RBFOX1: variants seen among roughly 807,000 people sequenced by gnomAD.
The protein encoded by RBFOX1 is RNA binding fox-1 homolog 1.
RBFOX1 carries 8 observed loss-of-function variants against 57.7 expected under a neutral mutation model. The observed-to-expected ratio is 0.14, with a 90% CI of 0.08 to 0.25. The LOEUF is 0.25. Among genes scored for constraint, RBFOX1 ranks in the 10% least tolerant of loss-of-function variants. The pLI, the probability that RBFOX1 is intolerant of heterozygous loss-of-function variation, is 1.00. For synonymous variants in RBFOX1, 326 were observed against 222.4 expected, an observed-to-expected ratio of 1.47 and a Z score of -4.15; for missense variants, 611 against 548.5, an observed-to-expected ratio of 1.11 and a Z score of -1.14.
At chr16:6,431,509 C>G (rs1239916792) in intron 2 of RBFOX1, among the ~76,000 whole-genome samples, 1 of 151,898 alleles carries the variant, frequency 6.6e-6, no homozygotes, top group Non-Finnish European at 1.5e-5. Flanking sequence ...AATGTCTGCT[C>G]AGTTGGCAGG....
chr16:5,640,415 C>G (rs1468946669), intron 3 of RBFOX1, among the ~76,000 whole-genome samples: 4 of 152,024 alleles, frequency 2.6e-5, no homozygotes, highest in African/African-American at 7.3e-5. Context: ...CACATGCACA[C>G]CATGCACACA....
chr16:7,412,477 C>G (rs79628710), intron 4 of RBFOX1, among the ~76,000 whole-genome samples: 33 of 150,076 alleles, frequency 2.2e-4, no homozygotes, highest in African/African-American at 8.1e-4. Context: ...TCTGTACAAA[C>G]TTCACAACAT....
At chr16:7,428,790 G>C (rs1239492478) in intron 4 of RBFOX1, among the ~76,000 whole-genome samples, 1 of 151,770 alleles carries the variant, frequency 6.6e-6, no homozygotes, top group Non-Finnish European at 1.5e-5. Flanking sequence ...GGCTTTGAGG[G>C]CAATTCACTT....
intron 2 of RBFOX1, among the ~76,000 whole-genome samples, chr16:6,553,554 G>A (rs1442504842): frequency 6.6e-6 from 1 of 152,184 alleles, no homozygotes; most frequent in Non-Finnish European, 1.5e-5. Flanking sequence ...TTGTCACCAA[G>A]TCTATCTAAT....
intron 3 of RBFOX1, among the ~76,000 whole-genome samples, chr16:5,736,845 C>G (rs886257191): frequency 1.3e-5 from 2 of 150,882 alleles, no homozygotes; most frequent in Non-Finnish European, 2.9e-5. Context: ...CTCTTTGTCC[C>G]TCTTTCCCCC....
intron 1 of RBFOX1, among the ~76,000 whole-genome samples, chr16:5,376,676 A>G (rs1345985196): frequency 2.0e-5 from 3 of 147,274 alleles, no homozygotes; most frequent in East Asian, 1.9e-4. Context: ...TGCTGCGGGT[A>G]CCATTGGTTC....
At position 6,431,896 on chromosome 16, in the gene RBFOX1, G is replaced by GCTTGCTTGCTTGCTTGCTTT. The variant is rs1491277692; in HGVS notation, c.-64+114842_-64+114843insGCTTGCTTGCTTGCTTTCTT. Among the ~76,000 whole-genome samples, 112 of 128,192 alleles carry GCTTGCTTGCTTGCTTGCTTT rather than the reference G, an allele frequency of 8.7e-4. 1 individual carries two copies. The highest frequency in any genetic ancestry group is 1.6e-3 in the East Asian group (7 of 4,318). The allele number at this position is 128,192 out of a possible 152,430, so 84.1% of individuals were successfully genotyped here. The stretch of plus-strand genomic sequence containing the variant: ...TGTCCAGAAATATGCTTGCTTGCTT[G>GCTTGCTTGCTTGCTTGCTTT]CTTTCTTTCTTTCTTTCTTTCTTTC... On this transcript the variant is annotated intron_variant, in intron 2 of 15. Transcript: ENST00000550418.
chr16:5,642,188 G>A (rs2048901033), intron 3 of RBFOX1, among the ~76,000 whole-genome samples: 1 of 152,182 alleles, frequency 6.6e-6, no homozygotes, highest in Non-Finnish European at 1.5e-5. Flanking sequence ...GAGCAGTTTT[G>A]ATCCCTTCAC....
chr16:7,468,103 G>A (rs944438668), intron 4 of RBFOX1, among the ~76,000 whole-genome samples: 31 of 152,178 alleles, frequency 2.0e-4, no homozygotes, highest in Admixed American at 1.3e-4. Context: ...ACAGAACTTG[G>A]TTGAGCTGGC....
chr16:5,769,505 T>A (rs550533670), intron 3 of RBFOX1, among the ~76,000 whole-genome samples: 70 of 148,794 alleles, frequency 4.7e-4, no homozygotes, highest in African/African-American at 1.6e-3. Flanking sequence ...AAAAAAAAAT[T>A]AGCTAGGTAT....
At chr16:5,822,467 G>A (rs1372448022) in intron 3 of RBFOX1, among the ~76,000 whole-genome samples, 1 of 152,060 alleles carries the variant, frequency 6.6e-6, no homozygotes, top group Admixed American at 6.5e-5. Context: ...AAAATAAAAA[G>A]TTATTTATAA....
chr16:7,358,397 A>C (rs1361434066), intron 4 of RBFOX1, among the ~76,000 whole-genome samples: 3 of 152,028 alleles, frequency 2.0e-5, no homozygotes, highest in African/African-American at 7.2e-5. Flanking sequence ...TTAAGACTTA[A>C]GTATTTTTGT....
intron 4 of RBFOX1, among the ~76,000 whole-genome samples, chr16:7,221,016 C>G (rs1464910844): frequency 3.3e-5 from 5 of 152,172 alleles, no homozygotes; most frequent in Non-Finnish European, 5.9e-5. Context: ...GCAATAAGAA[C>G]TTAGTTTATC....
At chr16:7,461,588 G>A (rs182949812) in intron 4 of RBFOX1, among the ~76,000 whole-genome samples, 2 of 152,128 alleles carry the variant, frequency 1.3e-5, no homozygotes, top group Non-Finnish European at 2.9e-5. Flanking sequence ...TCAGCTCTAC[G>A]CAGTATTCCA....
At chr16:6,896,626 C>T (rs144910394) in intron 3 of RBFOX1, among the ~76,000 whole-genome samples, 1,884 of 152,248 alleles carry the variant, frequency 0.012, 22 homozygotes, top group Non-Finnish European at 0.02. Flanking sequence ...AATCTGCGGA[C>T]GGTATTTCAA....
At chr16:6,656,107 G>A (rs914614603) in intron 3 of RBFOX1, among the ~76,000 whole-genome samples, 1 of 152,152 alleles carries the variant, frequency 6.6e-6, no homozygotes. Flanking sequence ...ATGCATGTGT[G>A]CATTTAGTGA....
At chr16:5,301,068 A>G (rs1479319666) in intron 1 of RBFOX1, among the ~76,000 whole-genome samples, 2 of 152,210 alleles carry the variant, frequency 1.3e-5, no homozygotes, top group African/African-American at 4.8e-5. Context: ...TGTGTGAACT[A>G]AATCTAGTGA....
At chr16:7,154,124 T>G (rs1189195661) in intron 4 of RBFOX1, among the ~76,000 whole-genome samples, 6 of 152,188 alleles carry the variant, frequency 3.9e-5, no homozygotes, top group Non-Finnish European at 8.8e-5. Flanking sequence ...TCAAGATTGT[T>G]TTTGCACATC....
chr16:7,252,775 A>G (rs2094541496), intron 4 of RBFOX1, among the ~76,000 whole-genome samples: 2 of 150,564 alleles, frequency 1.3e-5, no homozygotes, highest in South Asian at 2.1e-4. Context: ...TTTTGATGGC[A>G]TTAGGTATCT....
Sources: gnomAD v4.1 joint callset for allele counts (sites outside exome capture counted in the v4.1 genomes callset) on GRCh38, gnomAD v4.1.1 for gene constraint, MANE v1.5 for transcripts, NCBI Gene and HGNC (gene_info 2026-07-23, HGNC 2026-07-21) for gene names.